Variants in AGPAT4 observed in about 807,000 individuals in gnomAD.
The protein encoded by AGPAT4 is 1-acyl-sn-glycerol-3-phosphate acyltransferase delta.
Under a neutral mutation model 48.0 loss-of-function variants are expected in AGPAT4, and 15 were observed. The ratio of observed to expected loss-of-function variants is 0.31; its 90% CI spans 0.21 to 0.48. The LOEUF (loss-of-function observed/expected upper bound fraction) is 0.48. AGPAT4 is among the 20% of genes least tolerant of loss of function. The probability of loss-of-function intolerance (pLI) is 0.99; values close to 1 mark genes in which losing one functional copy is unlikely to be tolerated. For missense variants in AGPAT4, 314 were observed against 482.5 expected (o/e 0.65, Z 3.27); for synonymous variants, 178 against 198.7 (o/e 0.90, Z 0.88).
rs530893956 is a variant in AGPAT4 at position 161,189,289 on chromosome 6, T to C, written c.179-22872A>G. 7.2e-5 allele frequency among the ~76,000 whole-genome samples: 11 copies of C among 152,160 alleles called. No homozygotes were observed. In the South Asian group the frequency reaches 1.7e-3, roughly 23 times the overall value. On this transcript the variant is annotated intron_variant, in intron 2 of 8. Transcript: ENST00000320285. This position sits in a 1 kb window ranked among gnomAD's most constrained non-coding sequence, Gnocchi z 5.3. Reference sequence around the variant, plus strand: ...CCTCCTCCCCATCTGGCTCTTGTGGTGAAGTCTAATGAGTGTGCCAAGACC... The same window carrying C: ...CCTCCTCCCCATCTGGCTCTTGTGGCGAAGTCTAATGAGTGTGCCAAGACC...
chr6:161,168,635 T>C (rs1159825103), intron 2 of AGPAT4, among the ~76,000 whole-genome samples: 1 of 152,100 alleles, frequency 6.6e-6, no homozygotes, highest in Non-Finnish European at 1.5e-5. Flanking sequence ...TGCCGCGTGA[T>C]TACCTAATGC....
chr6:161,206,757 T>G lies in AGPAT4; in HGVS notation c.178+25279A>C, dbSNP rs1781389366. ...TTTAAGAAGAATTTTTAAATGGCCA[T>G]CATAAAACTCTTTCAATAAGCAATT... is the stretch of plus-strand genomic sequence containing the variant. On this transcript the variant is annotated intron_variant, in intron 2 of 8. Transcript: ENST00000320285. This position sits in a 1 kb window ranked among gnomAD's most constrained non-coding sequence, Gnocchi z 4.8. Among the ~76,000 whole-genome samples the G allele has an allele frequency of 6.6e-6, 1 of 151,988 alleles. No individual in the cohort carries two copies. Among genetic ancestry groups the G allele is most frequent in the Non-Finnish European group, 1.5e-5 (1 of 68,006 alleles).
rs118048838 is a variant in AGPAT4, at chr6:161,219,770, C to T, written c.178+12266G>A. Among the ~76,000 whole-genome samples the T allele has an allele frequency of 0.01, 1,535 of 151,476 alleles. 19 individuals carry two copies. Among genetic ancestry groups the T allele is most frequent in the South Asian group, 0.045 (216 of 4,796 alleles). On this transcript the variant is annotated intron_variant, in intron 2 of 8. Coordinates refer to ENST00000320285, the MANE Select transcript of AGPAT4 (RefSeq NM_020133.3). The surrounding 1 kb of genome is among the most constrained non-coding windows in gnomAD (Gnocchi z 4.9). ...GAGTGACTAAATTCCCTATTTAAAA[C>T]GTAAGGTCATTTCTTGTACCAGGGA...
Position 161,255,804 on chromosome 6 carries a change from T to C in AGPAT4, c.-90+18134A>G, listed in dbSNP as rs1397196446. 6.6e-6 allele frequency among the ~76,000 whole-genome samples: 1 copy of C among 152,250 alleles called. No individual in the cohort carries two copies. The highest frequency in any genetic ancestry group is 1.9e-4 in the East Asian group (1 of 5,182). On this transcript the variant is annotated intron_variant, in intron 1 of 8. Coordinates refer to ENST00000320285, the MANE Select transcript of AGPAT4 (RefSeq NM_020133.3). The surrounding 1 kb of genome is among the most constrained non-coding windows in gnomAD (Gnocchi z 4.7). Reference sequence around the variant, plus strand: ...CTCTCAAAGTAGATAGTGGTGATGGTCGCACAACCATGAATATACAAAAAG... The same window carrying C: ...CTCTCAAAGTAGATAGTGGTGATGGCCGCACAACCATGAATATACAAAAAG...
At chr6:161,193,196 C>T (rs2115002841) in intron 2 of AGPAT4, among the ~76,000 whole-genome samples, 1 of 152,300 alleles carries the variant, frequency 6.6e-6, no homozygotes, top group Non-Finnish European at 1.5e-5. Context: ...TTTTTCATGT[C>T]TGTATCTCTG....
At chr6:161,153,857 A>C (rs562535185) in intron 4 of AGPAT4, among the ~76,000 whole-genome samples, 25 of 117,260 alleles carry the variant, frequency 2.1e-4, no homozygotes, top group Admixed American at 6.6e-4. Flanking sequence ...ACATATGGCC[A>C]CATGATCACA....
At chr6:161,157,379 C>T (rs2114970050) in intron 3 of AGPAT4, among the ~76,000 whole-genome samples, 1 of 152,346 alleles carries the variant, frequency 6.6e-6, no homozygotes, top group African/African-American at 2.4e-5. Flanking sequence ...ATGGCACAAT[C>T]TTGGCTCACT....
rs188974949 is a variant in AGPAT4 at position 161,186,597 on chromosome 6, G to A, written c.179-20180C>T. On this transcript the variant is annotated intron_variant, in intron 2 of 8. Coordinates refer to ENST00000320285, the MANE Select transcript of AGPAT4 (RefSeq NM_020133.3). The stretch of plus-strand genomic sequence containing the variant: ...CTCTGCCTCCAAAGTCACCCGCTCC[G>A]CATGCCAGTCTCATGCCTTGCCGCC... Among the ~76,000 whole-genome samples the A allele has an allele frequency of 3.9e-5, 6 of 152,000 alleles. No individual in the cohort carries two copies. In the East Asian group the frequency reaches 7.8e-4, roughly 20 times the overall value.
intron 2 of AGPAT4, among the ~76,000 whole-genome samples, chr6:161,183,197 T>C (rs78596493): frequency 0.02 from 3,119 of 152,256 alleles, 109 homozygotes; most frequent in African/African-American, 0.071. Flanking sequence ...GTCCCTTTTC[T>C]TATCCACCAC....
Position 161,226,355 on chromosome 6 carries a change from G to A in AGPAT4, c.178+5681C>T, listed in dbSNP as rs376703844. On this transcript the variant is annotated intron_variant, in intron 2 of 8. Transcript: ENST00000320285. The surrounding 1 kb of genome is among the most constrained non-coding windows in gnomAD (Gnocchi z 6.3). The stretch of plus-strand genomic sequence containing the variant: ...AATTGAAATGAGAAAAAGCAGCCCT[G>A]TCATTAATCAGGCAGGGAGGAGAAG... Among the ~76,000 whole-genome samples, 1 of 152,220 alleles carries A rather than the reference G, an allele frequency of 6.6e-6. No individual in the cohort carries two copies. The highest frequency in any genetic ancestry group is 2.4e-5 in the African/African-American group (1 of 41,456).
rs550238234 is a variant in AGPAT4 at position 161,234,289 on chromosome 6, A to G, written c.-89-1987T>C. 1.3e-3 allele frequency among the ~76,000 whole-genome samples: 194 copies of G among 152,304 alleles called. No homozygotes were observed. Among genetic ancestry groups the G allele is most frequent in the African/African-American group, 4.5e-3 (187 of 41,562 alleles). ...AAGATTCCTATACATTTCTGATAGG[A>G]GGGAAATGGGAAGAAGCTTTCGGCC... On this transcript the variant is annotated intron_variant, in intron 1 of 8. Transcript: ENST00000320285. The surrounding 1 kb of genome is among the most constrained non-coding windows in gnomAD (Gnocchi z 4.4).
intron 1 of AGPAT4, among the ~76,000 whole-genome samples, chr6:161,237,740 T>G (rs1051518651): frequency 2.6e-5 from 4 of 152,206 alleles, no homozygotes; most frequent in African/African-American, 4.8e-5. Flanking sequence ...TTTTCTTCTC[T>G]GTGTTTTATC....
Position 161,132,442 on chromosome 6 carries a change from C to T in AGPAT4, c.*4098G>A, listed in dbSNP as rs1016185512. ...AGATGCTGGTCTCTTCTGAACACAC[C>T]GTGGAGCAATGTGGTGCACCTGCAG... On this transcript the variant is annotated 3_prime_UTR_variant, in exon 9 of 9. Coordinates refer to ENST00000320285, the MANE Select transcript of AGPAT4 (RefSeq NM_020133.3). The T allele has an allele frequency of 1.3e-5, 2 of 152,266 alleles. No homozygotes were observed. Among genetic ancestry groups the T allele is most frequent in the African/African-American group, 2.4e-5 (1 of 41,440 alleles). 9.4% of individuals were successfully genotyped at this position (152,266 alleles called of 1,614,324 possible). A position where few individuals can be genotyped will look rare whatever the true frequency, so the allele number is the denominator to read the frequency against.
In AGPAT4 at chr6:161,195,829, G is replaced by A. The variant is rs748835423; in HGVS notation, c.179-29412C>T. On this transcript the variant is annotated intron_variant, in intron 2 of 8. Coordinates refer to ENST00000320285, the MANE Select transcript of AGPAT4 (RefSeq NM_020133.3). The surrounding 1 kb of genome is among the most constrained non-coding windows in gnomAD (Gnocchi z 5.0). Reference sequence around the variant, plus strand: ...GGCTCTACACTGCTCTCTGGGGCAGGTGTCAGGGCCAGCAGGCAGGCTGAT... The same window carrying A: ...GGCTCTACACTGCTCTCTGGGGCAGATGTCAGGGCCAGCAGGCAGGCTGAT... 4.6e-5 allele frequency among the ~76,000 whole-genome samples: 7 copies of A among 152,210 alleles called. No individual in the cohort carries two copies. Among genetic ancestry groups the A allele is most frequent in the Admixed American group, 3.3e-4 (5 of 15,286 alleles).
chr6:161,137,270 G>GT lies in AGPAT4; in HGVS notation c.1043-637dup, dbSNP rs1779096781. Among the ~76,000 whole-genome samples the GT allele has an allele frequency of 2.6e-5, 4 of 152,216 alleles. No homozygotes were observed. In the South Asian group the frequency reaches 8.3e-4, roughly 31 times the overall value. Reference sequence around the variant, plus strand: ...ACACCCTCTGGAGCGGGCAGATGTGGTGAGGTCCTTGGGTGCAGGGCCCAA... The same window carrying GT: ...ACACCCTCTGGAGCGGGCAGATGTGGTTGAGGTCCTTGGGTGCAGGGCCCAA... On this transcript the variant is annotated intron_variant, in intron 8 of 8. Transcript: ENST00000320285. This position sits in a 1 kb window ranked among gnomAD's most constrained non-coding sequence, Gnocchi z 6.1.
At position 161,245,350 on chromosome 6, in the gene AGPAT4, G is replaced by C. The variant is rs192459787; in HGVS notation, c.-89-13048C>G. 6.6e-6 allele frequency among the ~76,000 whole-genome samples: 1 copy of C among 152,332 alleles called. No homozygotes were observed. Among genetic ancestry groups the C allele is most frequent in the Admixed American group, 6.5e-5 (1 of 15,298 alleles). On this transcript the variant is annotated intron_variant, in intron 1 of 8. Coordinates refer to ENST00000320285, the MANE Select transcript of AGPAT4 (RefSeq NM_020133.3). This position sits in a 1 kb window ranked among gnomAD's most constrained non-coding sequence, Gnocchi z 5.2. Reference sequence around the variant, plus strand: ...TGATGGATGTGGAAGCCTTCTGCAGGGCAGATGCTTAGGCATTGGATATCA... The same window carrying C: ...TGATGGATGTGGAAGCCTTCTGCAGCGCAGATGCTTAGGCATTGGATATCA...
chr6:161,176,497 A>C (rs1246018705), intron 2 of AGPAT4, among the ~76,000 whole-genome samples: 2 of 152,084 alleles, frequency 1.3e-5, no homozygotes, highest in African/African-American at 2.4e-5. Context: ...TGCTTGGTAG[A>C]TCTTCCTCCA....
chr6:161,159,834 G>A lies in AGPAT4; in HGVS notation c.349-5524C>T, dbSNP rs1017276409. Among the ~76,000 whole-genome samples the A allele has an allele frequency of 4.0e-4, 60 of 151,174 alleles. No individual in the cohort carries two copies. Among genetic ancestry groups the A allele is most frequent in the African/African-American group, 1.3e-3 (55 of 41,054 alleles). On this transcript the variant is annotated intron_variant, in intron 3 of 8. Transcript: ENST00000320285. This position sits in a 1 kb window ranked among gnomAD's most constrained non-coding sequence, Gnocchi z 4.1. The stretch of plus-strand genomic sequence containing the variant: ...AATTTTTTGTATTGTTAGTAGAGAC[G>A]GGGTTTCACCATGTTGGCTAGTCTG...
In AGPAT4 at chr6:161,134,739, CT is replaced by C. The variant is rs1779011099; in HGVS notation, c.*1800del. 6.6e-6 allele frequency: 1 copy of C among 152,234 alleles called. No homozygotes were observed. The highest frequency in any genetic ancestry group is 1.5e-5 in the Non-Finnish European group (1 of 68,118). 9.4% of individuals were successfully genotyped at this position (152,234 alleles called of 1,614,324 possible). On this transcript the variant is annotated 3_prime_UTR_variant, in exon 9 of 9. Coordinates refer to ENST00000320285, the MANE Select transcript of AGPAT4 (RefSeq NM_020133.3). Reference sequence around the variant, plus strand: ...AGGGCGTGCTCACAGACACGCAAGGCTACACACCATGCACACCTCCACTTCT... The same window carrying C: ...AGGGCGTGCTCACAGACACGCAAGGCACACACCATGCACACCTCCACTTCT...
Sources: allele counts gnomAD v4.1 joint callset (sites outside exome capture counted in the v4.1 genomes callset), GRCh38; gene constraint gnomAD v4.1.1; non-coding constraint Gnocchi (gnomAD v3.1); transcripts MANE v1.5; gene names NCBI Gene and HGNC (gene_info 2026-07-23, HGNC 2026-07-21).